The following ALX4 variants were observed in gnomAD, a reference collection of about 807,000 sequenced individuals.
ALX4 encodes the protein homeobox protein aristaless-like 4.
In ALX4, 22 loss-of-function variants were observed where a neutral mutation model predicts 40.6. The observed-to-expected ratio is 0.54, with a 90% CI of 0.39 to 0.77. The LOEUF (loss-of-function observed/expected upper bound fraction) is 0.77. ALX4 is among the 30% of genes least tolerant of loss of function. ALX4 has a pLI of 0.00. For synonymous variants in ALX4, 266 were observed against 240.5 expected (o/e 1.11, Z -0.98); for missense variants, 556 against 564.8 (o/e 0.98, Z 0.16).
At chr11:44,301,973 CG>C (rs989530997) in intron 1 of ALX4, among the ~76,000 whole-genome samples, 43 of 152,216 alleles carry the variant, frequency 2.8e-4, no homozygotes, top group Admixed American at 2.6e-3. Context: ...CAGGATGACG[CG>C]GGGGGTGGTT....
At chr11:44,280,554 C>T (rs1284081746) in intron 1 of ALX4, among the ~76,000 whole-genome samples, 1 of 152,188 alleles carries the variant, frequency 6.6e-6, no homozygotes, top group Non-Finnish European at 1.5e-5. Flanking sequence ...TGCTGATGCC[C>T]CTCCCATGAT....
In ALX4 at chr11:44,309,752, T is replaced by A; in HGVS notation, c.311A>T (p.Gln104Leu). The A allele has an allele frequency of 1.9e-6, 3 of 1,548,452 alleles. No individual in the cohort carries two copies. The East Asian group carries it at 7.3e-5, about 38-fold the overall frequency. The change falls in exon 1 of 4, where the codon CAG becomes CTG. Residue 104 changes from glutamine (Q) to leucine (L), a missense_variant. Physicochemically the swap from Gln to Leu is moderately radical, Grantham distance 113. Transcript: ENST00000652299. Reference sequence around the variant, plus strand: ...CGGCTGCTGCTGCTGCGGCTGCGGCTGCGGCGGCGGCTGGGGCTGCGGGGT... The same window carrying A: ...CGGCTGCTGCTGCTGCGGCTGCGGCAGCGGCGGCGGCTGGGGCTGCGGGGT... The part of the protein sequence containing the change: ...PSTPQPQPPP[Q>L]PQPQQQQPQP...
At chr11:44,283,801 T>C (rs1481425438) in intron 1 of ALX4, among the ~76,000 whole-genome samples, 1 of 152,178 alleles carries the variant, frequency 6.6e-6, no homozygotes, top group Admixed American at 6.5e-5. Context: ...TGGCCTCAAA[T>C]GATCCACCCG....
intron 1 of ALX4, among the ~76,000 whole-genome samples, chr11:44,288,309 A>G (rs1956350823): frequency 6.6e-6 from 1 of 152,206 alleles, no homozygotes; most frequent in African/African-American, 2.4e-5. Context: ...AAAATAATGC[A>G]AATATGGCAA....
At position 44,264,900 on chromosome 11, in the gene ALX4, C is replaced by T. The variant is rs763248407; in HGVS notation, c.1190G>A (p.Arg397His). The change falls in exon 4 of 4, where the codon CGC (arginine) becomes CAC (histidine). Residue 397 changes from arginine to histidine, a missense_variant. By Grantham distance (29) the Arg-to-His change is conservative (BLOSUM62 0). Coordinates refer to ENST00000652299, the MANE Select transcript of ALX4 (RefSeq NM_021926.4). ...CGCACTGTGCTCCTTGGCCTTCATG[C>T]GGAGGGCCGCGATGCTCGAGGTCTT... Reference protein sequence around the residue: ...DRKTSSIAALRMKAKEHSAAI... With the variant: ...DRKTSSIAALHMKAKEHSAAI... The T allele has an allele frequency of 1.2e-5, 19 of 1,612,932 alleles. No homozygotes were observed. Among genetic ancestry groups the T allele is most frequent in the East Asian group, 6.7e-5 (3 of 44,868 alleles).
At chr11:44,300,885 T>G (rs989316345) in intron 1 of ALX4, among the ~76,000 whole-genome samples, 2 of 152,254 alleles carry the variant, frequency 1.3e-5, no homozygotes, top group African/African-American at 4.8e-5. Context: ...CCAACTTTCC[T>G]GCACCCTCCC....
chr11:44,301,506 C>T (rs1956434043), intron 1 of ALX4, among the ~76,000 whole-genome samples: 1 of 152,230 alleles, frequency 6.6e-6, no homozygotes, highest in Non-Finnish European at 1.5e-5. Context: ...ACCAGGGATT[C>T]CACGGGTGCT....
At chr11:44,275,199 C>T in intron 2 of ALX4, 149 bp downstream of exon 2, 1 of 791,774 alleles carries the variant, frequency 1.3e-6, no homozygotes, top group East Asian at 2.7e-5. Flanking sequence ...GAGGGGCAGG[C>T]TAGGAGCCCC....
At chr11:44,272,300 T>C (rs1375073788) in intron 2 of ALX4, among the ~76,000 whole-genome samples, 3 of 150,952 alleles carry the variant, frequency 2.0e-5, no homozygotes, top group African/African-American at 7.3e-5. Context: ...AGGTCAGGAG[T>C]TGAAGACCAG....
intron 1 of ALX4, among the ~76,000 whole-genome samples, chr11:44,280,531 C>T (rs58562640): frequency 5.9e-5 from 9 of 152,204 alleles, no homozygotes; most frequent in Non-Finnish European, 1.2e-4. Flanking sequence ...CTTGTGGACC[C>T]GGAAAGGCTC....
Position 44,265,036 on chromosome 11 carries a change from C to T in ALX4, c.1054G>A (p.Val352Met). The change falls in exon 4 of 4, where the codon GTG becomes ATG. Residue 352 changes from valine to methionine, a missense_variant. Physicochemically the swap from Val to Met is conservative, Grantham distance 21. Coordinates refer to ENST00000652299, the MANE Select transcript of ALX4 (RefSeq NM_021926.4). ...CCCACGTGACTGCCAGCCCCAGACA[C>T]ACTCAGGAAGTCGGTGACGCTGCTG... Reference protein sequence around the residue: ...GASSVTDFLSVSGAGSHVGQT... With the variant: ...GASSVTDFLSMSGAGSHVGQT... 6.2e-7 allele frequency: 1 copy of T among 1,613,108 alleles called. No homozygotes were observed.
chr11:44,284,698 G>A (rs780890117), intron 1 of ALX4, among the ~76,000 whole-genome samples: 3 of 152,152 alleles, frequency 2.0e-5, no homozygotes, highest in African/African-American at 7.2e-5. Flanking sequence ...CGCACTGCAC[G>A]AGTATCTTCA....
chr11:44,286,917 T>C (rs1956341701), intron 1 of ALX4, among the ~76,000 whole-genome samples: 1 of 152,168 alleles, frequency 6.6e-6, no homozygotes, highest in East Asian at 1.9e-4. Context: ...GGCCTCCCTT[T>C]GGAGACCCAT....
chr11:44,302,111 C>T (rs1288595121), intron 1 of ALX4, among the ~76,000 whole-genome samples: 1 of 152,194 alleles, frequency 6.6e-6, no homozygotes, highest in Non-Finnish European at 1.5e-5. Context: ...GTCATTCTCC[C>T]TGGGGGCGCC....
chr11:44,278,786 T>A (rs1415390984), intron 1 of ALX4, among the ~76,000 whole-genome samples: 5 of 152,104 alleles, frequency 3.3e-5, no homozygotes, highest in African/African-American at 1.2e-4. Context: ...GGGTCCCTCC[T>A]CCCTTGCTCA....
chr11:44,276,212 C>A (rs1303780864), intron 1 of ALX4, among the ~76,000 whole-genome samples: 3 of 152,226 alleles, frequency 2.0e-5, no homozygotes. Flanking sequence ...CCCCAAGAGT[C>A]CAGTGCTGAG....
intron 1 of ALX4, among the ~76,000 whole-genome samples, chr11:44,285,674 C>A (rs1303689202): frequency 6.6e-6 from 1 of 150,512 alleles, no homozygotes; most frequent in Non-Finnish European, 1.5e-5. Flanking sequence ...AAAGTGAGAT[C>A]TTGTCTTTCC....
At chr11:44,302,279 C>T (rs56901030) in intron 1 of ALX4, among the ~76,000 whole-genome samples, 10,495 of 152,152 alleles carry the variant, frequency 0.069, 562 homozygotes, top group African/African-American at 0.15. Flanking sequence ...CACAAACCCT[C>T]GGCCTCGCCC....
chr11:44,263,752 A>G lies in ALX4; in HGVS notation c.*1102T>C, dbSNP rs2135304310. ...CCACACGTCCTCTAGCAAAGCCTGC[A>G]CGCAGCTTTTGACCCTCTGCCACCC... On this transcript the variant is annotated 3_prime_UTR_variant, in exon 4 of 4. Transcript: ENST00000652299. 1 of 152,486 alleles carries G rather than the reference A, an allele frequency of 6.6e-6. No homozygotes were observed. Among genetic ancestry groups the G allele is most frequent in the Non-Finnish European group, 1.5e-5 (1 of 68,130 alleles). The allele number at this position is 152,486 out of a possible 1,614,324, so 9.4% of individuals were successfully genotyped here. A position where few individuals can be genotyped will look rare whatever the true frequency, so the allele number is the denominator to read the frequency against.
Sources: allele counts gnomAD v4.1 joint callset (sites outside exome capture counted in the v4.1 genomes callset), GRCh38; gene constraint gnomAD v4.1.1; transcripts MANE v1.5; gene names NCBI Gene and HGNC (gene_info 2026-07-23, HGNC 2026-07-21).